Variants in PUS7 observed in about 807,000 individuals in gnomAD.
PUS7 encodes the protein pseudouridine synthase 7, also known as pseudouridylate synthase 7 homolog.
Under a neutral mutation model 79.8 loss-of-function variants are expected in PUS7, and 48 were observed. The ratio of observed to expected loss-of-function variants is 0.60; its 90% CI spans 0.48 to 0.76. The LOEUF (loss-of-function observed/expected upper bound fraction) is 0.76, where lower values mean the gene tolerates loss of function less well. PUS7 is among the 30% of genes least tolerant of loss of function. The pLI, the probability that PUS7 is intolerant of heterozygous loss-of-function variation, is 0.00. For synonymous variants in PUS7, 286 were observed against 272.2 expected (o/e 1.05, Z -0.50); for missense variants, 729 against 797.6 (o/e 0.91, Z 1.04).
At chr7:105,481,677 C>G (rs147229903) in intron 8 of PUS7, among the ~76,000 whole-genome samples, 38 of 152,166 alleles carry the variant, frequency 2.5e-4, no homozygotes, top group African/African-American at 8.2e-4. Context: ...ATTTTACTTT[C>G]TATGTCCATG....
At chr7:105,510,944 AT>A (rs1825677083) in intron 1 of PUS7, among the ~76,000 whole-genome samples, 1 of 152,230 alleles carries the variant, frequency 6.6e-6, no homozygotes, top group Admixed American at 6.5e-5. Context: ...AAGAAAATGA[AT>A]ATGCTAGTTC....
intron 1 of PUS7, among the ~76,000 whole-genome samples, chr7:105,512,452 C>T (rs1038280190): frequency 6.6e-6 from 1 of 152,150 alleles, no homozygotes; most frequent in African/African-American, 2.4e-5. Context: ...GGAGAACACA[C>T]TGAAGACAAA....
chr7:105,506,496 C>A (rs1825467651), intron 2 of PUS7, among the ~76,000 whole-genome samples: 1 of 151,494 alleles, frequency 6.6e-6, no homozygotes, highest in Non-Finnish European at 1.5e-5. Context: ...GATCTCCACT[C>A]ACTGCAACCT....
intron 1 of PUS7, among the ~76,000 whole-genome samples, chr7:105,513,553 C>T (rs976427163): frequency 6.6e-6 from 1 of 152,240 alleles, no homozygotes. Context: ...GGCGCGGTGG[C>T]TCACGCCTGT....
rs372428014 is a variant in PUS7, at chr7:105,511,192, C to A, written c.-32-2648G>T. On this transcript the variant is annotated intron_variant, in intron 1 of 15. Coordinates refer to ENST00000469408, the MANE Select transcript of PUS7 (RefSeq NM_019042.5). The stretch of plus-strand genomic sequence containing the variant: ...GATTACAGGCACGCCCGCCACTATG[C>A]CCAGCTTATTTTTTGTATTTTTAGT... Among the ~76,000 whole-genome samples the A allele has an allele frequency of 2.4e-4, 36 of 151,448 alleles. 2 individuals are homozygous for A. Among genetic ancestry groups the A allele is most frequent in the Admixed American group, 1.5e-3 (22 of 15,162 alleles).
rs371383099 is a variant in PUS7, at chr7:105,519,937, A to G, written c.-33+2115T>C. 4.9e-4 allele frequency among the ~76,000 whole-genome samples: 74 copies of G among 152,348 alleles called. 2 individuals are homozygous for G. The East Asian group carries it at 0.011, about 22-fold the overall frequency. Reference sequence around the variant, plus strand: ...TGAAACCGGAGCAAACTTAGTCGACAGTATGACCAGCTGGATTGTTCTCTC... The same window carrying G: ...TGAAACCGGAGCAAACTTAGTCGACGGTATGACCAGCTGGATTGTTCTCTC... On this transcript the variant is annotated intron_variant, in intron 1 of 15. Coordinates refer to ENST00000469408, the MANE Select transcript of PUS7 (RefSeq NM_019042.5).
At chr7:105,496,521 T>C (rs1586153464) in intron 5 of PUS7, among the ~76,000 whole-genome samples, 1 of 152,246 alleles carries the variant, frequency 6.6e-6, no homozygotes, top group East Asian at 1.9e-4. Context: ...AAAATAATCC[T>C]TTTTCATGAA....
At chr7:105,502,621 T>C in intron 4 of PUS7, 57 bp from the exon 5 acceptor site, 2 of 1,565,662 alleles carry the variant, frequency 1.3e-6, no homozygotes, top group Non-Finnish European at 1.7e-6. Flanking sequence ...AATAGGGAAG[T>C]AATACAGTGA....
Position 105,459,162 on chromosome 7 carries a change from A to G in PUS7, c.1849+6T>C, listed in dbSNP as rs967228994. ...CAACACAGAGCTGATGACTGAGTAA[A>G]CTTACCAGAAGCAAAAACTGGTGGT... On this transcript the variant is annotated splice_donor_region_variant and intron_variant, in intron 15 of 15. Coordinates refer to ENST00000469408, the MANE Select transcript of PUS7 (RefSeq NM_019042.5). 2 of 1,588,356 alleles carry G rather than the reference A, an allele frequency of 1.3e-6. No homozygotes were observed. Among genetic ancestry groups the G allele is most frequent in the Non-Finnish European group, 1.7e-6 (2 of 1,162,090 alleles).
intron 4 of PUS7, 148 bp from the exon 5 acceptor site, chr7:105,502,712 T>C: frequency 1.0e-6 from 1 of 957,610 alleles, no homozygotes; most frequent in Non-Finnish European, 1.5e-6. Flanking sequence ...TCTTTTATTT[T>C]TATTTTTTTG....
chr7:105,482,287 T>C, intron 8 of PUS7, 25 bp downstream of exon 8: 3 of 1,610,216 alleles, frequency 1.9e-6, no homozygotes, highest in Non-Finnish European at 2.5e-6. Flanking sequence ...CCCTCTGGTC[T>C]ACATTCCCAC....
intron 9 of PUS7, among the ~76,000 whole-genome samples, chr7:105,476,275 A>C (rs1824108100): frequency 6.6e-6 from 1 of 152,020 alleles, no homozygotes; most frequent in Non-Finnish European, 1.5e-5. Flanking sequence ...TATGAACATG[A>C]GTGTACAAAT....
At chr7:105,484,831 T>C (rs1249186811) in intron 7 of PUS7, among the ~76,000 whole-genome samples, 1 of 144,706 alleles carries the variant, frequency 6.9e-6, no homozygotes, top group Non-Finnish European at 1.5e-5. Context: ...ATTTAACTCA[T>C]ACTTAGGATG....
intron 9 of PUS7, among the ~76,000 whole-genome samples, chr7:105,480,291 G>A (rs1249320883): frequency 3.3e-5 from 5 of 151,480 alleles, no homozygotes; most frequent in African/African-American, 9.8e-5. Flanking sequence ...GGCCAACATG[G>A]TGAAATTCCC....
intron 1 of PUS7, among the ~76,000 whole-genome samples, chr7:105,509,843 T>C (rs535980001): frequency 3.7e-4 from 57 of 152,104 alleles, no homozygotes; most frequent in Non-Finnish European, 6.0e-4. Context: ...CTGAACAATA[T>C]GTAGCAACAT....
chr7:105,459,593 A>G (rs1823330059), intron 14 of PUS7, among the ~76,000 whole-genome samples: 1 of 151,818 alleles, frequency 6.6e-6, no homozygotes, highest in East Asian at 1.9e-4. Context: ...GTCTGCCACC[A>G]TGCCTGGCTA....
In PUS7 at chr7:105,457,468, GA is replaced by G. The variant is rs1263641295; in HGVS notation, c.*321del. 6 of 183,452 alleles carry G rather than the reference GA, an allele frequency of 3.3e-5. No individual in the cohort carries two copies. The highest frequency in any genetic ancestry group is 6.8e-5 in the Non-Finnish European group (6 of 88,182). The allele number at this position is 183,452 out of a possible 1,614,324, so 11.4% of individuals were successfully genotyped here. ...GTCAAATACTCCTGCTGTCTTTTGA[GA>G]ATGTAGCAAAACCTAAACCTGCTAC... is the stretch of plus-strand genomic sequence containing the variant. On this transcript the variant is annotated 3_prime_UTR_variant, in exon 16 of 16. Transcript: ENST00000469408.
At chr7:105,506,637 G>T (rs1490899680) in intron 2 of PUS7, among the ~76,000 whole-genome samples, 1 of 152,060 alleles carries the variant, frequency 6.6e-6, no homozygotes, top group African/African-American at 2.4e-5. Flanking sequence ...TGGCCAGGCT[G>T]ATCTTGAACT....
At chr7:105,518,261 C>T (rs1273073603) in intron 1 of PUS7, among the ~76,000 whole-genome samples, 2 of 152,078 alleles carry the variant, frequency 1.3e-5, no homozygotes, top group South Asian at 2.1e-4. Context: ...TGCAGTAAGC[C>T]GTGATGGTGC....
Sources: allele counts gnomAD v4.1 joint callset (sites outside exome capture counted in the v4.1 genomes callset), GRCh38; gene constraint gnomAD v4.1.1; transcripts MANE v1.5; gene names NCBI Gene and HGNC (gene_info 2026-07-23, HGNC 2026-07-21).